KCNIP4: variants seen among roughly 807,000 people sequenced by gnomAD.
The protein encoded by KCNIP4 is potassium voltage-gated channel interacting protein 4.
In KCNIP4, 12 loss-of-function variants were observed where a neutral mutation model predicts 34.0. The observed-to-expected ratio is 0.35, with a 90% CI of 0.23 to 0.57. The LOEUF (loss-of-function observed/expected upper bound fraction) is 0.57. Ranked by LOEUF, KCNIP4 falls within the 20% of genes least tolerant of loss-of-function variation. KCNIP4 has a pLI of 0.83. For synonymous variants in KCNIP4, 124 were observed against 102.2 expected, an observed-to-expected ratio of 1.21 and a Z score of -1.29; for missense variants, 238 against 311.7, an observed-to-expected ratio of 0.76 and a Z score of 1.78.
At chr4:21,908,270 T>G (rs1728107029) in intron 1 of KCNIP4, among the ~76,000 whole-genome samples, 1 of 152,146 alleles carries the variant, frequency 6.6e-6, no homozygotes, top group Non-Finnish European at 1.5e-5. Context: ...CAGCTCCAGC[T>G]GTCCTGGCCT....
Position 21,380,989 on chromosome 4 carries a change from CTT to C in KCNIP4, c.62-498282_62-498281del, listed in dbSNP as rs1232276313. On this transcript the variant is annotated intron_variant, in intron 1 of 8. Coordinates refer to ENST00000382152, the MANE Select transcript of KCNIP4 (RefSeq NM_025221.6). Reference sequence around the variant, plus strand: ...GATGCAAGCCCCAGTGTGCTTGCCTCTTTGCTTTTTTCATCTGAAGAGTCAAA... The same window carrying C: ...GATGCAAGCCCCAGTGTGCTTGCCTCTGCTTTTTTCATCTGAAGAGTCAAA... Among the ~76,000 whole-genome samples, 4 of 152,130 alleles carry C rather than the reference CTT, an allele frequency of 2.6e-5. No individual in the cohort carries two copies. In the East Asian group the frequency reaches 7.7e-4, roughly 29 times the overall value.
At chr4:21,589,812 C>T (rs73252295) in intron 1 of KCNIP4, among the ~76,000 whole-genome samples, 10,270 of 151,886 alleles carry the variant, frequency 0.068, 510 homozygotes, top group African/African-American at 0.13. Context: ...CATTGCATTG[C>T]TGCCATTAAT....
intron 1 of KCNIP4, among the ~76,000 whole-genome samples, chr4:21,135,160 G>C (rs1751404079): frequency 1.3e-5 from 2 of 152,196 alleles, no homozygotes; most frequent in South Asian, 2.1e-4. Context: ...AGGTTCACCA[G>C]ACTGCCTCTT....
intron 1 of KCNIP4, among the ~76,000 whole-genome samples, chr4:21,369,818 ATTTTTTT>A (rs5856627): frequency 2.5e-4 from 33 of 131,620 alleles, no homozygotes; most frequent in African/African-American, 2.8e-4. Context: ...AACCCAAATA[ATTTTTTT>A]TTTTTTTTTT....
rs1007934933 is a variant in KCNIP4, at chr4:21,443,419, T to G, written c.61+505152A>C. 2.0e-5 allele frequency among the ~76,000 whole-genome samples: 3 copies of G among 152,220 alleles called. No homozygotes were observed. The East Asian group carries it at 5.8e-4, about 29-fold the overall frequency. ...GGTTAATTCTATGTTTCAACATATC[T>G]AGGCAATGTCTTCACAGCCTAGACA... On this transcript the variant is annotated intron_variant, in intron 1 of 8. Coordinates refer to ENST00000382152, the MANE Select transcript of KCNIP4 (RefSeq NM_025221.6).
chr4:21,464,572 A>T (rs1487736563), intron 1 of KCNIP4: 1 of 152,084 alleles, frequency 6.6e-6, no homozygotes, highest in African/African-American at 2.4e-5. Context: ...ATAATTTTTT[A>T]AAAATTTATT....
chr4:21,185,071 A>C (rs956406101), intron 1 of KCNIP4, among the ~76,000 whole-genome samples: 2 of 152,130 alleles, frequency 1.3e-5, no homozygotes, highest in Non-Finnish European at 2.9e-5. Context: ...CCTACGTATA[A>C]CTTCTAGAAA....
At chr4:20,931,111 A>C (rs1024155361) in intron 1 of KCNIP4, among the ~76,000 whole-genome samples, 2 of 152,022 alleles carry the variant, frequency 1.3e-5, no homozygotes, top group African/African-American at 4.8e-5. Context: ...ATCTATTCAC[A>C]ATAGTCAACA....
At chr4:21,514,250 T>C (rs182123838) in intron 1 of KCNIP4, among the ~76,000 whole-genome samples, 11 of 152,296 alleles carry the variant, frequency 7.2e-5, no homozygotes, top group Admixed American at 7.2e-4. Flanking sequence ...TGTTTCTAAG[T>C]GGTATTTATG....
At chr4:21,546,836 G>A (rs1353749591) in intron 1 of KCNIP4, among the ~76,000 whole-genome samples, 1 of 152,070 alleles carries the variant, frequency 6.6e-6, no homozygotes, top group Non-Finnish European at 1.5e-5. Flanking sequence ...CTGCAGATCT[G>A]GGTTGACGTT....
intron 1 of KCNIP4, among the ~76,000 whole-genome samples, chr4:20,977,994 T>A (rs1234474854): frequency 6.6e-6 from 1 of 152,178 alleles, no homozygotes; most frequent in African/African-American, 2.4e-5. Flanking sequence ...CTGACTATCC[T>A]CCCTTCCCTT....
At chr4:20,995,613 C>T (rs920130324) in intron 1 of KCNIP4, among the ~76,000 whole-genome samples, 24 of 152,192 alleles carry the variant, frequency 1.6e-4, no homozygotes, top group African/African-American at 5.5e-4. Flanking sequence ...CTCTCAGTCA[C>T]TCAGCTAGTT....
At chr4:20,836,148 C>T in intron 3 of KCNIP4, among the ~76,000 whole-genome samples, 1 of 152,136 alleles carries the variant, frequency 6.6e-6, no homozygotes, top group East Asian at 1.9e-4. Flanking sequence ...TGCAATGAGT[C>T]AAATCCAGTC....
intron 1 of KCNIP4, among the ~76,000 whole-genome samples, chr4:21,435,309 C>T (rs1189284604): frequency 4.6e-5 from 7 of 152,188 alleles, no homozygotes; most frequent in Non-Finnish European, 8.8e-5. Context: ...CTATGGGTTA[C>T]ATTTCACATA....
At chr4:20,762,461 T>G (rs1198864498) in intron 3 of KCNIP4, among the ~76,000 whole-genome samples, 1 of 152,218 alleles carries the variant, frequency 6.6e-6, no homozygotes, top group Non-Finnish European at 1.5e-5. Context: ...GATTTTTTAT[T>G]GAAACTAGTG....
At chr4:21,284,781 T>C (rs1259272411) in intron 1 of KCNIP4, among the ~76,000 whole-genome samples, 2 of 151,788 alleles carry the variant, frequency 1.3e-5, no homozygotes, top group African/African-American at 4.8e-5. Context: ...TGTGTAGCCT[T>C]GGCTGTAGTT....
chr4:21,857,218 C>T (rs191843578), intron 1 of KCNIP4, among the ~76,000 whole-genome samples: 2 of 152,328 alleles, frequency 1.3e-5, no homozygotes, highest in Admixed American at 6.5e-5. Flanking sequence ...TCCATACAAA[C>T]CCCAGAACTC....
chr4:21,647,514 C>T (rs1747113316), intron 1 of KCNIP4, among the ~76,000 whole-genome samples: 1 of 152,142 alleles, frequency 6.6e-6, no homozygotes, highest in Admixed American at 6.5e-5. Flanking sequence ...CTGAAAAAGA[C>T]CTACTCCTAC....
intron 1 of KCNIP4, among the ~76,000 whole-genome samples, chr4:21,622,095 C>A (rs1350863015): frequency 1.3e-5 from 2 of 152,164 alleles, no homozygotes; most frequent in Non-Finnish European, 2.9e-5. Context: ...TTATTGTATC[C>A]TTTGCTCATA....
Sources: gnomAD v4.1 joint callset for allele counts (sites outside exome capture counted in the v4.1 genomes callset) on GRCh38, gnomAD v4.1.1 for gene constraint, MANE v1.5 for transcripts, NCBI Gene and HGNC (gene_info 2026-07-23, HGNC 2026-07-21) for gene names.